LAMA1: variants seen among roughly 807,000 people sequenced by gnomAD.
LAMA1 encodes the protein laminin subunit alpha-1.
Under a neutral mutation model 348.7 loss-of-function variants are expected in LAMA1, and 219 were observed. That is an observed-to-expected ratio of 0.63 (90% CI 0.56 to 0.70). The LOEUF (loss-of-function observed/expected upper bound fraction) is 0.70, where lower values mean the gene tolerates loss of function less well. LAMA1 is among the 30% of genes least tolerant of loss of function. LAMA1 has a pLI of 0.00. For synonymous variants in LAMA1, 1,487 were observed against 1,491.0 expected (o/e 1.00, Z 0.06); for missense variants, 3,744 against 3,888.0 (o/e 0.96, Z 0.99).
intron 50 of LAMA1, 100 bp from the exon 51 acceptor site, chr18:6,964,903 T>C: frequency 7.6e-7 from 1 of 1,323,524 alleles, no homozygotes; most frequent in South Asian, 1.2e-5. Flanking sequence ...TACAAATGCA[T>C]ATTCTTTTAG....
At chr18:7,048,217 A>C (rs1156359817) in intron 5 of LAMA1, among the ~76,000 whole-genome samples, 3 of 152,224 alleles carry the variant, frequency 2.0e-5, no homozygotes, top group Non-Finnish European at 4.4e-5. Flanking sequence ...GGACAAAAAA[A>C]ATCTGATCGT....
intron 47 of LAMA1, chr18:6,972,298 G>A (rs971423890): frequency 3.0e-5 from 11 of 371,554 alleles, no homozygotes; most frequent in African/African-American, 2.3e-4. Flanking sequence ...AGCTGGACCT[G>A]AGACCTAGAC....
At chr18:6,994,375 A>C (rs2057771335) in intron 34 of LAMA1, among the ~76,000 whole-genome samples, 2 of 152,238 alleles carry the variant, frequency 1.3e-5, no homozygotes, top group Non-Finnish European at 2.9e-5. Context: ...TGTTAAAGGA[A>C]AGGTTGTTTG....
At chr18:7,031,616 G>C (rs1425175219) in intron 16 of LAMA1, among the ~76,000 whole-genome samples, 1 of 151,596 alleles carries the variant, frequency 6.6e-6, no homozygotes, top group Non-Finnish European at 1.5e-5. Context: ...GAAGATCCAG[G>C]GCTGCAGTAA....
chr18:7,098,373 C>T (rs1432344890), intron 1 of LAMA1, among the ~76,000 whole-genome samples: 81 of 147,660 alleles, frequency 5.5e-4, no homozygotes, highest in Middle Eastern at 6.9e-3. Flanking sequence ...GGAGCGTCTC[C>T]GCCCGGCCGC....
intron 1 of LAMA1, among the ~76,000 whole-genome samples, chr18:7,115,327 A>C (rs1049045596): frequency 5.9e-5 from 9 of 152,208 alleles, no homozygotes; most frequent in African/African-American, 2.2e-4. Flanking sequence ...AAAAGTGATG[A>C]AGCAACCATA....
intron 5 of LAMA1, 82 bp from the exon 6 acceptor site, chr18:7,046,449 C>T (rs1200335437): frequency 1.3e-6 from 1 of 785,366 alleles, no homozygotes; most frequent in African/African-American, 1.7e-5. Flanking sequence ...ACAAATATCT[C>T]ATGTAGTTTA....
chr18:7,011,969 GAACACTT>G lies in LAMA1; in HGVS notation c.3507+19_3507+25del, dbSNP rs1440453652. The G allele has an allele frequency of 6.3e-7, 1 of 1,586,096 alleles. No homozygotes were observed. The highest frequency in any genetic ancestry group is 8.6e-7 in the Non-Finnish European group (1 of 1,164,706). On this transcript the variant is annotated intron_variant, in intron 24 of 62. Transcript: ENST00000389658. Reference sequence around the variant, plus strand: ...TCCCAGGGGAGTGGGGTTAGAAGCAGAACACTTTCGCTGTGTGTGACTTACTGGGGTC... The same window carrying G: ...TCCCAGGGGAGTGGGGTTAGAAGCAGTCGCTGTGTGTGACTTACTGGGGTC...
intron 61 of LAMA1, among the ~76,000 whole-genome samples, chr18:6,945,294 G>C (rs1434198475): frequency 2.0e-5 from 3 of 152,086 alleles, no homozygotes; most frequent in Non-Finnish European, 4.4e-5. Context: ...TCAGTGTAGA[G>C]AGGCAGCAAT....
chr18:6,994,130 TTAGTCTC>T (rs765703848), intron 34 of LAMA1, among the ~76,000 whole-genome samples: 120 of 152,292 alleles, frequency 7.9e-4, no homozygotes, highest in Middle Eastern at 6.8e-3. Context: ...CTATGAGATG[TTAGTCTC>T]TAGGAGTTAA....
chr18:7,116,478 A>C (rs2058356957), intron 1 of LAMA1, among the ~76,000 whole-genome samples: 1 of 152,318 alleles, frequency 6.6e-6, no homozygotes, highest in Non-Finnish European at 1.5e-5. Context: ...CAGTGCTTCC[A>C]TCATGAATGC....
At chr18:7,045,486 T>C (rs770645570) in intron 6 of LAMA1, among the ~76,000 whole-genome samples, 1 of 152,086 alleles carries the variant, frequency 6.6e-6, no homozygotes, top group Non-Finnish European at 1.5e-5. Context: ...ATAAAAATTT[T>C]AAAAAATAAA....
intron 7 of LAMA1, 35 bp from the exon 8 acceptor site, chr18:7,043,440 C>T (rs1256859032): frequency 2.6e-6 from 4 of 1,559,782 alleles, no homozygotes; most frequent in African/African-American, 2.7e-5. Context: ...AATTAATTTA[C>T]ATAGCATGCC....
At position 7,012,149 on chromosome 18, in the gene LAMA1, G is replaced by A; in HGVS notation, c.3364-11C>T. The A allele has an allele frequency of 1.2e-6, 2 of 1,613,694 alleles. No homozygotes were observed. Among genetic ancestry groups the A allele is most frequent in the Non-Finnish European group, 1.7e-6 (2 of 1,179,818 alleles). ...ACCAAAGACATTTTCCTACAGGGGA[G>A]CAAATAAAGGACTCGTTTTTGCCTA... On this transcript the variant is annotated splice_polypyrimidine_tract_variant and intron_variant, in intron 23 of 62. Transcript: ENST00000389658.
rs777021643 is a variant in LAMA1 at position 7,044,757 on chromosome 18, C to A, written c.941G>T (p.Arg314Met). Reference sequence around the variant, plus strand: ...ATTGCCGGAGGACACGGTTCCCGGCCTCCAGGGCTGCTGATGGTACCCAGG... The same window carrying A: ...ATTGCCGGAGGACACGGTTCCCGGCATCCAGGGCTGCTGATGGTACCCAGG... Reference protein sequence around the residue: ...CCPGYHQQPWRPGTVSSGNTC... With the variant: ...CCPGYHQQPWMPGTVSSGNTC... The change falls in exon 7 of 63, where the codon AGG (arginine) becomes ATG (methionine). Residue 314 changes from arginine (R) to methionine (M), a missense_variant. Coordinates refer to ENST00000389658, the MANE Select transcript of LAMA1 (RefSeq NM_005559.4). 11 of 1,614,188 alleles carry A rather than the reference C, an allele frequency of 6.8e-6. No individual in the cohort carries two copies. Among genetic ancestry groups the A allele is most frequent in the Non-Finnish European group, 9.3e-6 (11 of 1,180,046 alleles).
At chr18:7,114,062 GCGAGACTC>G (rs1375338690) in intron 1 of LAMA1, among the ~76,000 whole-genome samples, 1 of 142,884 alleles carries the variant, frequency 7.0e-6, no homozygotes, top group Non-Finnish European at 1.5e-5. Flanking sequence ...GGGCGACAGA[GCGAGACTC>G]CGTCTCAAAA....
intron 26 of LAMA1, 103 bp downstream of exon 26, chr18:7,010,097 G>T: frequency 7.5e-7 from 1 of 1,341,928 alleles, no homozygotes. Flanking sequence ...GTGAGCCACC[G>T]TACCTGGCTG....
intron 7 of LAMA1, among the ~76,000 whole-genome samples, chr18:7,044,111 C>T (rs1251515471): frequency 2.1e-5 from 3 of 140,484 alleles, no homozygotes; most frequent in South Asian, 2.2e-4. Flanking sequence ...TGCAGTGAGC[C>T]GAGATCGCGC....
chr18:6,958,209 T>A (rs759722060), intron 55 of LAMA1, among the ~76,000 whole-genome samples: 1 of 152,142 alleles, frequency 6.6e-6, no homozygotes, highest in Non-Finnish European at 1.5e-5. Context: ...GTCAAAAATA[T>A]ATTAAAATCC....
Sources: allele counts gnomAD v4.1 joint callset (sites outside exome capture counted in the v4.1 genomes callset), GRCh38; gene constraint gnomAD v4.1.1; transcripts MANE v1.5; gene names NCBI Gene and HGNC (gene_info 2026-07-23, HGNC 2026-07-21).